The following NUP210L variants were observed in gnomAD, a reference collection of about 807,000 sequenced individuals.
NUP210L encodes nuclear pore membrane glycoprotein 210-like.
NUP210L carries 74 observed loss-of-function variants against 208.5 expected under a neutral mutation model. The ratio of observed to expected loss-of-function variants is 0.35; its 90% CI spans 0.29 to 0.43. The LOEUF is 0.43. NUP210L is among the 20% of genes least tolerant of loss of function. The pLI is 1.00. For missense variants in NUP210L, 1,843 were observed against 2,289.4 expected (o/e 0.81, Z 3.98); for synonymous variants, 780 against 816.9 (o/e 0.95, Z 0.77).
intron 18 of NUP210L, 48 bp from the exon 19 acceptor site, chr1:154,061,094 T>C (rs537073783): frequency 7.2e-7 from 1 of 1,381,556 alleles, no homozygotes; most frequent in East Asian, 2.3e-5. Context: ...CATCTAATTC[T>C]TGGCCGCCCA....
intron 31 of NUP210L, among the ~76,000 whole-genome samples, 197 bp from the exon 32 acceptor site, chr1:154,022,540 T>C (rs1185190812): frequency 6.6e-6 from 1 of 152,058 alleles, no homozygotes; most frequent in African/African-American, 2.4e-5. Flanking sequence ...GCTTTTTTTT[T>C]TTTCCAGTAA....
exon 5 of NUP210L, chr1:154,139,952 C>T (rs1341610090): frequency 1.9e-6 from 3 of 1,601,162 alleles, no homozygotes. Context: ...ATTTAAGAAT[C>T]CTAAAGACAT....
rs564969227 is a variant in NUP210L, at chr1:154,086,081, G to A, written c.2361+3340C>T. Among the ~76,000 whole-genome samples, 339 of 151,594 alleles carry A rather than the reference G, an allele frequency of 2.2e-3. 1 individual carries two copies. The highest frequency in any genetic ancestry group is 7.6e-3 in the African/African-American group (315 of 41,354). On this transcript the variant is annotated intron_variant, in intron 16 of 39. Coordinates refer to ENST00000368559, the Ensembl canonical transcript of NUP210L. ...ACAAAAATTAGCCAGGCATGGTGGCGGGCACCTGTAATTCCAGCTACTGGG... is the reference window on the plus strand; with the variant it reads ...ACAAAAATTAGCCAGGCATGGTGGCAGGCACCTGTAATTCCAGCTACTGGG...
chr1:154,058,829 A>G, intron 20 of NUP210L, 136 bp from the exon 21 acceptor site: 2 of 758,672 alleles, frequency 2.6e-6, no homozygotes, highest in Non-Finnish European at 4.2e-6. Flanking sequence ...GTCACGTAAC[A>G]TTATTCAGGC....
chr1:154,032,938 A>G (rs1242070836), intron 27 of NUP210L, among the ~76,000 whole-genome samples: 1 of 139,156 alleles, frequency 7.2e-6, no homozygotes, highest in African/African-American at 3.0e-5. Flanking sequence ...ACTACATCTC[A>G]AAAGAAAGAA....
chr1:154,152,332 C>T (rs970340654), intron 2 of NUP210L, among the ~76,000 whole-genome samples: 4 of 151,396 alleles, frequency 2.6e-5, no homozygotes, highest in African/African-American at 4.8e-5. Flanking sequence ...CCACCACGCC[C>T]GGCTAATTTT....
At chr1:154,010,729 G>A (rs1466238328) in intron 34 of NUP210L, among the ~76,000 whole-genome samples, 1 of 151,930 alleles carries the variant, frequency 6.6e-6, no homozygotes, top group East Asian at 1.9e-4. Flanking sequence ...AATTAGCTGG[G>A]GGTGGTGGCT....
At chr1:154,153,833 G>T (rs1386736007) in intron 1 of NUP210L, among the ~76,000 whole-genome samples, 1 of 152,154 alleles carries the variant, frequency 6.6e-6, no homozygotes, top group Non-Finnish European at 1.5e-5. Flanking sequence ...AAACACACAC[G>T]TCACACTGGA....
chr1:154,083,140 G>C (rs543292122), intron 16 of NUP210L, among the ~76,000 whole-genome samples: 3 of 152,120 alleles, frequency 2.0e-5, no homozygotes, highest in African/African-American at 4.8e-5. Context: ...TGCCACTGTC[G>C]GCTCGGTGGC....
intron 3 of NUP210L, among the ~76,000 whole-genome samples, chr1:154,142,314 A>G (rs193139593): frequency 1.8e-3 from 270 of 152,220 alleles, no homozygotes; most frequent in African/African-American, 6.3e-3. Context: ...TCGGCCTCCC[A>G]AAGTGCTAGA....
rs561016894 is a variant in NUP210L at position 154,076,244 on chromosome 1, C to CT, written c.2362-5780_2362-5779insA. ...TCAGCCTCCCTAGTAGCTGGGACTA[C>CT]AGGCGTGTGCCACCACGCCCGGCTA... On this transcript the variant is annotated intron_variant, in intron 16 of 39. Coordinates refer to ENST00000368559, the Ensembl canonical transcript of NUP210L. 2.8e-3 allele frequency among the ~76,000 whole-genome samples: 423 copies of CT among 151,978 alleles called. 2 individuals are homozygous for CT. The highest frequency in any genetic ancestry group is 8.8e-3 in the African/African-American group (363 of 41,446).
chr1:154,018,937 C>T, exon 33 of NUP210L: 8 of 1,614,004 alleles, frequency 5.0e-6, no homozygotes, highest in South Asian at 1.1e-5. Flanking sequence ...GTTTACCTCT[C>T]GATATGTTTT....
At chr1:154,098,716 T>A (rs1357999750) in intron 14 of NUP210L, among the ~76,000 whole-genome samples, 1 of 151,940 alleles carries the variant, frequency 6.6e-6, no homozygotes, top group Non-Finnish European at 1.5e-5. Context: ...CATGGGTGGG[T>A]CTGGAAAAGG....
At chr1:154,071,119 CAG>C (rs902441590) in intron 16 of NUP210L, among the ~76,000 whole-genome samples, 4 of 148,288 alleles carry the variant, frequency 2.7e-5, no homozygotes, top group African/African-American at 5.0e-5. Context: ...TTTTTTGAGA[CAG>C]GGTATCTCTC....
intron 17 of NUP210L, among the ~76,000 whole-genome samples, chr1:154,065,759 G>A (rs1330302129): frequency 6.6e-6 from 1 of 151,904 alleles, no homozygotes; most frequent in Non-Finnish European, 1.5e-5. Flanking sequence ...TGGGCATGGT[G>A]GCACATGCCT....
intron 2 of NUP210L, among the ~76,000 whole-genome samples, chr1:154,148,082 C>T (rs1291079550): frequency 1.3e-5 from 2 of 150,500 alleles, no homozygotes; most frequent in Admixed American, 1.3e-4. Context: ...ACATGGCCAA[C>T]ATGGCGAAAC....
chr1:154,033,096 T>C (rs1235178781), intron 27 of NUP210L, among the ~76,000 whole-genome samples: 1 of 152,130 alleles, frequency 6.6e-6, no homozygotes, highest in Non-Finnish European at 1.5e-5. Flanking sequence ...AATCTGATTG[T>C]TACATTTTTT....
intron 32 of NUP210L, among the ~76,000 whole-genome samples, chr1:154,019,297 T>G (rs1387045476): frequency 6.6e-6 from 1 of 152,204 alleles, no homozygotes; most frequent in Non-Finnish European, 1.5e-5. Context: ...AATGTAACTG[T>G]TCTCCTTGGG....
intron 16 of NUP210L, among the ~76,000 whole-genome samples, chr1:154,080,624 G>T (rs1237455735): frequency 6.6e-6 from 1 of 152,040 alleles, no homozygotes; most frequent in Non-Finnish European, 1.5e-5. Flanking sequence ...GGCAGAGGTT[G>T]CAGGGAGCAG....
Sources: gnomAD v4.1 joint callset for allele counts (sites outside exome capture counted in the v4.1 genomes callset) on GRCh38, gnomAD v4.1.1 for gene constraint, MANE v1.5 for transcripts, NCBI Gene and HGNC (gene_info 2026-07-23, HGNC 2026-07-21) for gene names.